Variants in ENTREP2 observed in about 807,000 individuals in gnomAD.
ENTREP2 encodes the protein protein ENTREP2.
chr15:29,208,620 C>T, the ENTREP2 span, among the ~76,000 whole-genome samples: 3 of 152,146 alleles, frequency 2.0e-5, no homozygotes, highest in South Asian at 2.1e-4. Context: ...CGAACAACTT[C>T]GGAAAACACA....
the ENTREP2 span, among the ~76,000 whole-genome samples, chr15:29,147,923 G>A: frequency 4.6e-5 from 7 of 152,056 alleles, no homozygotes; most frequent in Non-Finnish European, 1.0e-4. Context: ...TAAGCAAAAT[G>A]TAGTATACTG....
the ENTREP2 span, among the ~76,000 whole-genome samples, chr15:29,145,215 A>G: frequency 6.6e-6 from 1 of 152,240 alleles, no homozygotes; most frequent in Non-Finnish European, 1.5e-5. Flanking sequence ...TTAACATCAG[A>G]AAAATCAATC....
chr15:29,123,300 C>T, the ENTREP2 span: 15 of 1,466,360 alleles, frequency 1.0e-5, no homozygotes, highest in South Asian at 8.4e-5. Context: ...ACATCTGTGG[C>T]GCCAGGCGTT....
At chr15:29,652,164 G>A in the ENTREP2 span, among the ~76,000 whole-genome samples, 1 of 152,160 alleles carries the variant, frequency 6.6e-6, no homozygotes, top group Non-Finnish European at 1.5e-5. Flanking sequence ...TGAACTACCT[G>A]CAGAGAGGAG....
chr15:29,365,566 T>C, the ENTREP2 span, among the ~76,000 whole-genome samples: 3 of 152,112 alleles, frequency 2.0e-5, no homozygotes, highest in African/African-American at 7.2e-5. Context: ...TATTCTATTG[T>C]CTAATGTACC....
At chr15:29,201,149 C>G in the ENTREP2 span, among the ~76,000 whole-genome samples, 1 of 152,034 alleles carries the variant, frequency 6.6e-6, no homozygotes, top group African/African-American at 2.4e-5. Flanking sequence ...TTCTAAGAGG[C>G]TTGTTTGTTC....
chr15:29,225,950 G>A, the ENTREP2 span, among the ~76,000 whole-genome samples: 1 of 152,074 alleles, frequency 6.6e-6, no homozygotes, highest in African/African-American at 2.4e-5. Context: ...ACTGTCCACC[G>A]CAGCTCCCCG....
the ENTREP2 span, among the ~76,000 whole-genome samples, chr15:29,517,468 A>G: frequency 6.6e-5 from 10 of 152,258 alleles, no homozygotes; most frequent in East Asian, 1.4e-3. Flanking sequence ...GTTCTTTGAA[A>G]TTAGGTATGC....
At chr15:29,307,821 A>C in the ENTREP2 span, among the ~76,000 whole-genome samples, 3 of 152,180 alleles carry the variant, frequency 2.0e-5, no homozygotes, top group African/African-American at 2.4e-5. Context: ...CCTCACGAGA[A>C]CCAGACCATG....
At chr15:29,134,573 G>A in the ENTREP2 span, among the ~76,000 whole-genome samples, 2 of 152,194 alleles carry the variant, frequency 1.3e-5, no homozygotes, top group Non-Finnish European at 2.9e-5. Context: ...GCACCTTACA[G>A]CGTCTGAATG....
the ENTREP2 span, among the ~76,000 whole-genome samples, chr15:29,533,118 A>G: frequency 1.3e-5 from 2 of 151,968 alleles, no homozygotes; most frequent in African/African-American, 4.8e-5. Flanking sequence ...TCGTAGCAGC[A>G]CTCTACAGTT....
At chr15:29,515,143 A>G in the ENTREP2 span, among the ~76,000 whole-genome samples, 1 of 152,224 alleles carries the variant, frequency 6.6e-6, no homozygotes, top group South Asian at 2.1e-4. Flanking sequence ...TAATCATGAC[A>G]CAACCTACTC....
chr15:29,413,538 A>T, the ENTREP2 span, among the ~76,000 whole-genome samples: 1 of 152,180 alleles, frequency 6.6e-6, no homozygotes, highest in African/African-American at 2.4e-5. Context: ...GGCTCTGCCA[A>T]TATTCTTTTG....
the ENTREP2 span, among the ~76,000 whole-genome samples, chr15:29,347,167 T>A: frequency 4.1e-5 from 6 of 146,458 alleles, no homozygotes; most frequent in Admixed American, 6.7e-5. Flanking sequence ...GTGTATGGTT[T>A]CTTTTCCTTT....
At chr15:29,221,546 C>T in the ENTREP2 span, among the ~76,000 whole-genome samples, 6 of 152,142 alleles carry the variant, frequency 3.9e-5, no homozygotes, top group African/African-American at 1.4e-4. Context: ...TTCACACAAG[C>T]CTCCTCTTGA....
the ENTREP2 span, among the ~76,000 whole-genome samples, chr15:29,415,507 A>G: frequency 6.6e-6 from 1 of 152,182 alleles, no homozygotes; most frequent in East Asian, 1.9e-4. Context: ...TCTCAAAATA[A>G]TAAGAGCTAT....
the ENTREP2 span, among the ~76,000 whole-genome samples, chr15:29,320,008 C>T: frequency 6.6e-6 from 1 of 152,148 alleles, no homozygotes; most frequent in African/African-American, 2.4e-5. Context: ...TGAACAGAAC[C>T]TTCTCCATAA....
the ENTREP2 span, among the ~76,000 whole-genome samples, chr15:29,630,628 T>C: frequency 6.6e-6 from 1 of 152,180 alleles, no homozygotes; most frequent in African/African-American, 2.4e-5. Flanking sequence ...TCTTTTGTCA[T>C]TGTCCTGCAG....
At chr15:29,378,828 T>A in the ENTREP2 span, among the ~76,000 whole-genome samples, 1 of 152,250 alleles carries the variant, frequency 6.6e-6, no homozygotes, top group Non-Finnish European at 1.5e-5. Context: ...TCTGCCTCTA[T>A]ATCTGTATAT....
Sources: gnomAD v4.1 joint callset for allele counts (sites outside exome capture counted in the v4.1 genomes callset) on GRCh38, gnomAD v4.1.1 for gene constraint, MANE v1.5 for transcripts, NCBI Gene and HGNC (gene_info 2026-07-23, HGNC 2026-07-21) for gene names.